Variants in NUDT5 observed in about 807,000 individuals in gnomAD.
NUDT5 encodes the protein nudix hydrolase 5, also known as ADP-sugar pyrophosphatase.
In NUDT5, 21 loss-of-function variants were observed where a neutral mutation model predicts 34.1. The ratio of observed to expected loss-of-function variants is 0.62; its 90% CI spans 0.44 to 0.89. The LOEUF (loss-of-function observed/expected upper bound fraction) is 0.89. Ranked by LOEUF, NUDT5 falls within the 40% of genes least tolerant of loss-of-function variation. NUDT5 has a pLI of 0.00. For synonymous variants in NUDT5, 85 were observed against 97.6 expected, an observed-to-expected ratio of 0.87 and a Z score of 0.76; for missense variants, 249 against 274.8, an observed-to-expected ratio of 0.91 and a Z score of 0.66.
In NUDT5 at chr10:12,167,656, G is replaced by A. The variant is rs771153328; in HGVS notation, c.*46C>T. ...TTGAATACAAAGTCTTAGTGAAGAA[G>A]GCCTGGTGGTCTCGTTTACAAAAAT... On this transcript the variant is annotated 3_prime_UTR_variant, in exon 10 of 10. Coordinates refer to ENST00000491614, the MANE Select transcript of NUDT5 (RefSeq NM_014142.4). 1 of 1,560,650 alleles carries A rather than the reference G, an allele frequency of 6.4e-7. No homozygotes were observed. Among genetic ancestry groups the A allele is most frequent in the South Asian group, 1.1e-5 (1 of 89,196 alleles).
chr10:12,170,680 A>C lies in NUDT5; in HGVS notation c.550+37T>G, dbSNP rs754196242. The stretch of plus-strand genomic sequence containing the variant: ...GTTTGCTGGGATGGGGACGGGGAGA[A>C]CTGGAGAAACTGGGTGGCGGTCTGG... On this transcript the variant is annotated intron_variant, in intron 9 of 9. Coordinates refer to ENST00000491614, the MANE Select transcript of NUDT5 (RefSeq NM_014142.4). The surrounding 1 kb of genome is among the most constrained non-coding windows in gnomAD (Gnocchi z 4.9). 5.0e-6 allele frequency: 8 copies of C among 1,599,050 alleles called. No individual in the cohort carries two copies. Among genetic ancestry groups the C allele is most frequent in the Non-Finnish European group, 6.9e-6 (8 of 1,167,516 alleles).
rs1834841046 is a variant in NUDT5, at chr10:12,170,958, A to G, written c.488-50T>C. The G allele has an allele frequency of 6.2e-6, 10 of 1,602,320 alleles. No individual in the cohort carries two copies. Among genetic ancestry groups the G allele is most frequent in the African/African-American group, 2.7e-5 (2 of 74,774 alleles). On this transcript the variant is annotated intron_variant, in intron 7 of 9. Coordinates refer to ENST00000491614, the MANE Select transcript of NUDT5 (RefSeq NM_014142.4). This position sits in a 1 kb window ranked among gnomAD's most constrained non-coding sequence, Gnocchi z 4.9. ...TTTCAGCAAGGCCTGGAGTGGTAAC[A>G]TCGGAAGACTTTTATACAAGAGGCG...
intron 7 of NUDT5, 182 bp downstream of exon 7, chr10:12,172,583 G>A (rs1173745486): frequency 1.7e-6 from 1 of 598,628 alleles, no homozygotes; most frequent in African/African-American, 1.9e-5. Flanking sequence ...GATGAATGAA[G>A]TGGCAAAAGA....
At position 12,167,206 on chromosome 10, in the gene NUDT5, C is replaced by G. The variant is rs764076998; in HGVS notation, c.*496G>C. On this transcript the variant is annotated 3_prime_UTR_variant, in exon 10 of 10. Transcript: ENST00000491614. ...CCTACCCTAGTTGGATTCAACTACC[C>G]TAGATAAATTTTGCATAGTAAAAAT... 6.3e-6 allele frequency: 1 copy of G among 159,184 alleles called. No homozygotes were observed. The highest frequency in any genetic ancestry group is 2.4e-5 in the African/African-American group (1 of 41,422). The allele number at this position is 159,184 out of a possible 1,614,324, so 9.9% of individuals were successfully genotyped here.
At chr10:12,180,864 T>TC (rs1409717490) in intron 3 of NUDT5, among the ~76,000 whole-genome samples, 1 of 152,206 alleles carries the variant, frequency 6.6e-6, no homozygotes, top group Non-Finnish European at 1.5e-5. Context: ...CTGTTGGCCT[T>TC]CCTCCCTCTA....
chr10:12,170,460 T>C lies in NUDT5; in HGVS notation c.550+257A>G. On this transcript the variant is annotated intron_variant, in intron 9 of 9. Coordinates refer to ENST00000491614, the MANE Select transcript of NUDT5 (RefSeq NM_014142.4). The surrounding 1 kb of genome is among the most constrained non-coding windows in gnomAD (Gnocchi z 4.9). ...TTTTGGCTACTCAGCAGGAATGTCATCTGGGCCATTCTGTAGGAGAAAAAG... is the reference window on the plus strand; with the variant it reads ...TTTTGGCTACTCAGCAGGAATGTCACCTGGGCCATTCTGTAGGAGAAAAAG... The C allele has an allele frequency of 1.6e-6, 1 of 616,668 alleles. No homozygotes were observed. Among genetic ancestry groups the C allele is most frequent in the Non-Finnish European group, 2.9e-6 (1 of 349,946 alleles). The allele number at this position is 616,668 out of a possible 1,614,324, so 38.2% of individuals were successfully genotyped here. A position where few individuals can be genotyped will look rare whatever the true frequency, so the allele number is the denominator to read the frequency against.
chr10:12,186,124 C>T, intron 2 of NUDT5, 105 bp downstream of exon 2: 1 of 944,238 alleles, frequency 1.1e-6, no homozygotes. Flanking sequence ...ATCTTTACAA[C>T]TGTCTTCAAG....
Position 12,170,797 on chromosome 10 carries a change from C to CA in NUDT5, c.497-28dup. On this transcript the variant is annotated intron_variant, in intron 8 of 9. Transcript: ENST00000491614. This position sits in a 1 kb window ranked among gnomAD's most constrained non-coding sequence, Gnocchi z 4.9. ...TAAACAGACAAAGTGCAAGTGAAAA[C>CA]AAAGCTAACGTCAAGAGCCTACCAA... 6.2e-7 allele frequency: 1 copy of CA among 1,613,982 alleles called. No homozygotes were observed. Among genetic ancestry groups the CA allele is most frequent in the Non-Finnish European group, 8.5e-7 (1 of 1,179,888 alleles).
rs1246182293 is a variant in NUDT5, at chr10:12,166,727, T to C, written c.*975A>G. 2.0e-6 allele frequency: 1 copy of C among 510,020 alleles called. No individual in the cohort carries two copies. The highest frequency in any genetic ancestry group is 4.0e-6 in the Non-Finnish European group (1 of 248,674). 31.6% of individuals were successfully genotyped at this position (510,020 alleles called of 1,614,324 possible). ...CAGACTGGAAAGTCCTGGAAAATCA[T>C]GGAGCTGCTGGAGGCCCTAAAAGTC... On this transcript the variant is annotated 3_prime_UTR_variant, in exon 10 of 10. Transcript: ENST00000491614.
chr10:12,179,588 T>C (rs984356908), intron 3 of NUDT5, among the ~76,000 whole-genome samples: 6 of 152,256 alleles, frequency 3.9e-5, no homozygotes, highest in Non-Finnish European at 8.8e-5. Context: ...TTTTAAAATA[T>C]GTGACCTAAA....
intron 1 of NUDT5, among the ~76,000 whole-genome samples, chr10:12,191,753 A>G (rs1244472623): frequency 1.3e-5 from 2 of 152,194 alleles, no homozygotes; most frequent in East Asian, 1.9e-4. Context: ...AAATAAACTA[A>G]TTTTGGGGTT....
intron 3 of NUDT5, 112 bp from the exon 4 acceptor site, chr10:12,179,244 G>A: frequency 6.5e-6 from 5 of 767,294 alleles, no homozygotes; most frequent in Non-Finnish European, 1.1e-5. Context: ...ATGTACTCAT[G>A]ATACTGGTCA....
At chr10:12,192,043 G>A (rs1021165397) in intron 1 of NUDT5, among the ~76,000 whole-genome samples, 2 of 152,058 alleles carry the variant, frequency 1.3e-5, no homozygotes, top group Admixed American at 6.6e-5. Flanking sequence ...GATAAAAGAT[G>A]AATATTGTTA....
chr10:12,174,574 G>T (rs1834919213), intron 5 of NUDT5, among the ~76,000 whole-genome samples: 2 of 152,226 alleles, frequency 1.3e-5, no homozygotes, highest in Non-Finnish European at 2.9e-5. Flanking sequence ...ACTGTGCCCA[G>T]CTTGGAATTT....
chr10:12,169,798 G>GT lies in NUDT5; in HGVS notation c.550+918dup, dbSNP rs1834812077. ...GGCGCTCTGCTTATTCACTGAAACCGTAAGCTGCTGAAACTCAGGGAAAAG... is the reference window on the plus strand; with the variant it reads ...GGCGCTCTGCTTATTCACTGAAACCGTTAAGCTGCTGAAACTCAGGGAAAAG... On this transcript the variant is annotated intron_variant, in intron 9 of 9. Transcript: ENST00000491614. This position sits in a 1 kb window ranked among gnomAD's most constrained non-coding sequence, Gnocchi z 4.8. 7.1e-6 allele frequency: 2 copies of GT among 280,794 alleles called. No homozygotes were observed. The highest frequency in any genetic ancestry group is 1.3e-5 in the Non-Finnish European group (2 of 151,848). The allele number at this position is 280,794 out of a possible 1,614,324, so 17.4% of individuals were successfully genotyped here. A position where few individuals can be genotyped will look rare whatever the true frequency, so the allele number is the denominator to read the frequency against.
Position 12,170,956 on chromosome 10 carries a change from A to G in NUDT5, c.488-48T>C, listed in dbSNP as rs764643203. On this transcript the variant is annotated intron_variant, in intron 7 of 9. Coordinates refer to ENST00000491614, the MANE Select transcript of NUDT5 (RefSeq NM_014142.4). This position sits in a 1 kb window ranked among gnomAD's most constrained non-coding sequence, Gnocchi z 4.9. ...CATTTCAGCAAGGCCTGGAGTGGTA[A>G]CATCGGAAGACTTTTATACAAGAGG... is the stretch of plus-strand genomic sequence containing the variant. The G allele has an allele frequency of 6.2e-7, 1 of 1,602,352 alleles. No individual in the cohort carries two copies. Among genetic ancestry groups the G allele is most frequent in the Non-Finnish European group, 8.5e-7 (1 of 1,173,366 alleles).
At chr10:12,174,217 G>A (rs572143916) in intron 5 of NUDT5, among the ~76,000 whole-genome samples, 72 of 151,470 alleles carry the variant, frequency 4.8e-4, no homozygotes, top group African/African-American at 1.6e-3. Flanking sequence ...TAGGAGAATC[G>A]GAGCACTGTG....
Position 12,174,587 on chromosome 10 carries a change from A to G in NUDT5, c.290-774T>C, listed in dbSNP as rs116057453. 5.6e-3 allele frequency among the ~76,000 whole-genome samples: 850 copies of G among 152,296 alleles called. 9 individuals carry two copies. Among genetic ancestry groups the G allele is most frequent in the African/African-American group, 0.019 (803 of 41,552 alleles). On this transcript the variant is annotated intron_variant, in intron 5 of 9. Transcript: ENST00000491614. ...CCACTGTGCCCAGCTTGGAATTTTT[A>G]TAGAAACAAAAAGGCGAAAGAATAA...
At chr10:12,195,309 A>C (rs1339990143) in intron 1 of NUDT5, among the ~76,000 whole-genome samples, 1 of 152,218 alleles carries the variant, frequency 6.6e-6, no homozygotes, top group Non-Finnish European at 1.5e-5. Context: ...CGATCATCGC[A>C]GGAATACTGA....
Sources: allele counts gnomAD v4.1 joint callset (sites outside exome capture counted in the v4.1 genomes callset), GRCh38; gene constraint gnomAD v4.1.1; non-coding constraint Gnocchi (gnomAD v3.1); transcripts MANE v1.5; gene names NCBI Gene and HGNC (gene_info 2026-07-23, HGNC 2026-07-21).